CLCN7: variants seen among roughly 807,000 people sequenced by gnomAD.
CLCN7 encodes Cl-/H+ antiporter 7, also known as H(+)/Cl(-) exchange transporter 7.
Under a neutral mutation model 102.1 loss-of-function variants are expected in CLCN7, and 60 were observed. That is an observed-to-expected ratio of 0.59 (90% CI 0.48 to 0.73). CLCN7 has a LOEUF of 0.73. CLCN7 is among the 30% of genes least tolerant of loss of function. The probability of loss-of-function intolerance (pLI) is 0.00; values close to 1 mark genes in which losing one functional copy is unlikely to be tolerated. For synonymous variants in CLCN7, 560 were observed against 490.5 expected (o/e 1.14, Z -1.87); for missense variants, 962 against 1,125.7 (o/e 0.85, Z 2.08).
chr16:1,464,343 C>G (rs73492097), intron 2 of CLCN7, among the ~76,000 whole-genome samples: 9,364 of 152,290 alleles, frequency 0.061, 967 homozygotes, highest in African/African-American at 0.21. Context: ...TTTTTCCCTT[C>G]TCTCCCAACT....
intron 1 of CLCN7, among the ~76,000 whole-genome samples, chr16:1,470,602 C>T (rs747732560): frequency 2.0e-5 from 3 of 152,206 alleles, no homozygotes; most frequent in Non-Finnish European, 2.9e-5. Context: ...AGACACTGAA[C>T]AGCAATGCTG....
rs534549786 is a variant in CLCN7, at chr16:1,463,920, G to A, written c.213+1347C>T. 1.7e-3 allele frequency among the ~76,000 whole-genome samples: 263 copies of A among 152,194 alleles called. 1 individual carries two copies. The highest frequency in any genetic ancestry group is 3.4e-3 in the Middle Eastern group (1 of 294). On this transcript the variant is annotated intron_variant, in intron 2 of 24. Transcript: ENST00000382745. ...CTCCCAAGTAGCTGGGACTACTGGT[G>A]CCTATCACCAGGCCCAGCTAATATT...
chr16:1,450,450 C>G, intron 17 of CLCN7, 47 bp downstream of exon 17: 1 of 1,541,654 alleles, frequency 6.5e-7, no homozygotes, highest in Non-Finnish European at 8.8e-7. Context: ...GCCGCAAGAC[C>G]TGGCTCAGCT....
intron 16 of CLCN7, among the ~76,000 whole-genome samples, chr16:1,451,230 G>C: frequency 6.6e-6 from 1 of 152,200 alleles, no homozygotes; most frequent in East Asian, 1.9e-4. Flanking sequence ...TTTTTTGAGA[G>C]AGGGTCTCGC....
At chr16:1,462,079 C>T (rs1009382751) in intron 2 of CLCN7, among the ~76,000 whole-genome samples, 18 of 119,328 alleles carry the variant, frequency 1.5e-4, no homozygotes, top group African/African-American at 3.4e-4. Flanking sequence ...AGCAAGACTC[C>T]GTCTCAAAGA....
intron 10 of CLCN7, 88 bp downstream of exon 10, chr16:1,456,025 A>C: frequency 2.5e-6 from 3 of 1,188,466 alleles, no homozygotes; most frequent in Admixed American, 4.0e-5. Context: ...TGCCACCCTC[A>C]GCGGGCACTG....
At chr16:1,465,537 G>C (rs1438108766) in intron 1 of CLCN7, among the ~76,000 whole-genome samples, 199 bp from the exon 2 acceptor site, 1 of 152,128 alleles carries the variant, frequency 6.6e-6, no homozygotes, top group Non-Finnish European at 1.5e-5. Context: ...AACTGATCCG[G>C]CTGCCCCTCG....
At position 1,462,156 on chromosome 16, in the gene CLCN7, A is replaced by G. The variant is rs2038947257; in HGVS notation, c.214-482T>C. On this transcript the variant is annotated intron_variant, in intron 2 of 24. Transcript: ENST00000382745. ...CACGGATGCAAAGATCTTTGGTAAG[A>G]CACAAGCAAAGTGATTCCAGCAATG... Among the ~76,000 whole-genome samples, 3 of 152,072 alleles carry G rather than the reference A, an allele frequency of 2.0e-5. No homozygotes were observed. The South Asian group carries it at 6.2e-4, about 31-fold the overall frequency.
rs181661531 is a variant in CLCN7, at chr16:1,467,023, C to T, written c.142-1685G>A. On this transcript the variant is annotated intron_variant, in intron 1 of 24. Transcript: ENST00000382745. ...CAACCATCGTCCTGTTACCAGCCAC[C>T]GTCGCCCTTGCTGTACACCCCCCGT... Among the ~76,000 whole-genome samples, 43 of 152,076 alleles carry T rather than the reference C, an allele frequency of 2.8e-4. 2 individuals are homozygous for T. The East Asian group carries it at 4.8e-3, about 17-fold the overall frequency.
intron 1 of CLCN7, among the ~76,000 whole-genome samples, chr16:1,470,182 A>T (rs2039058136): frequency 6.6e-6 from 1 of 152,242 alleles, no homozygotes. Context: ...TGTTTTTTAG[A>T]AACAAGGTCT....
In CLCN7 at chr16:1,452,722, C is replaced by T. The variant is rs747646961; in HGVS notation, c.1353+33G>A. ...TGGAGGCCGCCCTGTGGCTGCCCTGCCTGCTGGACCCCGCCCGGGCCCAGC... is the reference window on the plus strand; with the variant it reads ...TGGAGGCCGCCCTGTGGCTGCCCTGTCTGCTGGACCCCGCCCGGGCCCAGC... On this transcript the variant is annotated intron_variant, in intron 15 of 24. Transcript: ENST00000382745. The T allele has an allele frequency of 5.1e-6, 8 of 1,564,394 alleles. No individual in the cohort carries two copies. In the East Asian group the frequency reaches 7.2e-5, roughly 14 times the overall value.
rs2039128832 is a variant in CLCN7 at position 1,474,841 on chromosome 16, GCAGCCCCAGGCC to G, written c.122_133del (p.Gly41_Ala44del). On this transcript the variant is annotated inframe_deletion, in exon 1 of 25. Coordinates refer to ENST00000382745, the MANE Select transcript of CLCN7 (RefSeq NM_001287.6). ...CGCCCTGCCCGGCCTCACCTGGCGC[GCAGCCCCAGGCC>G]CAGCCCCGTTCAGCAGCGGCGTCCC... 1.5e-5 allele frequency: 21 copies of G among 1,361,254 alleles called. No homozygotes were observed. The East Asian group carries it at 6.8e-4, about 44-fold the overall frequency. The allele number at this position is 1,361,254 out of a possible 1,614,324, so 84.3% of individuals were successfully genotyped here.
rs2038686699 is a variant in CLCN7, at chr16:1,448,370, A to C, written c.1998T>G (p.His666Gln). Residue 666 changes from histidine to glutamine, a missense_variant, in exon 21 of 25, where the codon CAT becomes CAG. Transcript: ENST00000382745. ...TGCCCGGTACCTGGGTGTCATCGGC[A>C]TGCTCCACCACGGGGAAGCCGTTGT... ...SNHNGFPVVE[H>Q]ADDTQPARLQ... The C allele has an allele frequency of 6.2e-7, 1 of 1,612,760 alleles. No homozygotes were observed. Among genetic ancestry groups the C allele is most frequent in the African/African-American group, 1.3e-5 (1 of 75,054 alleles).
intron 13 of CLCN7, 43 bp from the exon 14 acceptor site, chr16:1,453,937 G>A (rs1220282904): frequency 4.4e-6 from 7 of 1,601,956 alleles, no homozygotes; most frequent in South Asian, 1.1e-5. Flanking sequence ...CGGAGGAAAA[G>A]TGCGGGCCTC....
At chr16:1,448,856 C>G in intron 19 of CLCN7, 90 bp from the exon 20 acceptor site, 3 of 1,597,612 alleles carry the variant, frequency 1.9e-6, no homozygotes, top group Middle Eastern at 4.0e-4. Flanking sequence ...AGGCCGCCCC[C>G]AGAAACCCTG....
At chr16:1,458,312 G>A (rs1056027022) in intron 7 of CLCN7, among the ~76,000 whole-genome samples, 4 of 152,264 alleles carry the variant, frequency 2.6e-5, no homozygotes, top group Non-Finnish European at 5.9e-5. Flanking sequence ...CAAGGGCGCT[G>A]AGTGTGTGGG....
rs1333198386 is a variant in CLCN7, at chr16:1,451,569, G to C, written c.1447+54C>G. 6.7e-6 allele frequency: 10 copies of C among 1,489,182 alleles called. No homozygotes were observed. In the African/African-American group the frequency reaches 8.3e-5, roughly 12 times the overall value. The allele number at this position is 1,489,182 out of a possible 1,614,324, so 92.2% of individuals were successfully genotyped here. ...CCCACAGGGGACACTCAGCCAGAAG[G>C]CATCACCCAGGCCCTGATCCCAGGG... On this transcript the variant is annotated intron_variant, in intron 16 of 24. Transcript: ENST00000382745.
intron 6 of CLCN7, among the ~76,000 whole-genome samples, chr16:1,459,772 A>G (rs1446047929): frequency 1.4e-5 from 1 of 71,058 alleles, no homozygotes; most frequent in Non-Finnish European, 2.7e-5. Flanking sequence ...AGGGGAGCTC[A>G]GCACACACTT....
intron 1 of CLCN7, among the ~76,000 whole-genome samples, chr16:1,469,659 C>T (rs1436898302): frequency 6.6e-6 from 1 of 152,192 alleles, no homozygotes; most frequent in Non-Finnish European, 1.5e-5. Context: ...GCCCTTCAGC[C>T]TGGGCGACAG....
Sources: gnomAD v4.1 joint callset for allele counts (sites outside exome capture counted in the v4.1 genomes callset) on GRCh38, gnomAD v4.1.1 for gene constraint, MANE v1.5 for transcripts, NCBI Gene and HGNC (gene_info 2026-07-23, HGNC 2026-07-21) for gene names.